The following GOLPH3L variants were observed in gnomAD, a reference collection of about 807,000 sequenced individuals.
GOLPH3L encodes the protein Golgi phosphoprotein 3-like.
GOLPH3L carries 22 observed loss-of-function variants against 30.3 expected under a neutral mutation model. That is an observed-to-expected ratio of 0.73 (90% confidence interval 0.52 to 1.04). GOLPH3L has a LOEUF of 1.04. Ranked by LOEUF, GOLPH3L falls within the 50% of genes least tolerant of loss-of-function variation. The pLI, the probability that GOLPH3L is intolerant of heterozygous loss-of-function variation, is 0.00. For synonymous variants in GOLPH3L, 120 were observed against 128.2 expected (o/e 0.94, Z 0.43); for missense variants, 303 against 345.8 (o/e 0.88, Z 0.98).
At chr1:150,658,186 A>G (rs1235698577) in intron 4 of GOLPH3L, among the ~76,000 whole-genome samples, 4 of 152,204 alleles carry the variant, frequency 2.6e-5, no homozygotes, top group African/African-American at 9.6e-5. Flanking sequence ...GAGGACCCCA[A>G]CTGTCATTAG....
intron 4 of GOLPH3L, among the ~76,000 whole-genome samples, chr1:150,659,561 C>T (rs182240211): frequency 6.6e-6 from 1 of 152,264 alleles, no homozygotes; most frequent in East Asian, 1.9e-4. Context: ...GGCTTGCTGT[C>T]AATAAATATG....
At chr1:150,695,280 G>A (rs1210057756) in intron 1 of GOLPH3L, among the ~76,000 whole-genome samples, 2 of 152,104 alleles carry the variant, frequency 1.3e-5, no homozygotes, top group Non-Finnish European at 2.9e-5. Context: ...GGGATTACAG[G>A]TGTGCGCCAC....
chr1:150,685,147 T>G (rs1173814041), intron 2 of GOLPH3L, among the ~76,000 whole-genome samples: 2 of 152,158 alleles, frequency 1.3e-5, no homozygotes, highest in Non-Finnish European at 2.9e-5. Context: ...TCCTTAATAT[T>G]TGAGGCAATG....
At chr1:150,675,136 T>A (rs1650742246) in intron 2 of GOLPH3L, among the ~76,000 whole-genome samples, 1 of 152,100 alleles carries the variant, frequency 6.6e-6, no homozygotes, top group Admixed American at 6.5e-5. Context: ...CACTTCAGCC[T>A]CCCAAGTAGC....
At chr1:150,654,092 A>T (rs926157789) in intron 4 of GOLPH3L, among the ~76,000 whole-genome samples, 6 of 151,860 alleles carry the variant, frequency 4.0e-5, no homozygotes, top group African/African-American at 1.2e-4. Flanking sequence ...TCAAATATTT[A>T]AAAAAATGGA....
chr1:150,680,394 T>G (rs961314327), intron 2 of GOLPH3L, among the ~76,000 whole-genome samples: 1 of 151,954 alleles, frequency 6.6e-6, no homozygotes, highest in Non-Finnish European at 1.5e-5. Context: ...AAATTAAGAG[T>G]TTTTTTTAAA....
At chr1:150,681,887 C>A (rs1006579851) in intron 2 of GOLPH3L, among the ~76,000 whole-genome samples, 2 of 151,880 alleles carry the variant, frequency 1.3e-5, no homozygotes. Flanking sequence ...GCCAACGTGG[C>A]AAAGCCCTGT....
chr1:150,654,037 A>T (rs1650185688), intron 4 of GOLPH3L, among the ~76,000 whole-genome samples: 1 of 151,800 alleles, frequency 6.6e-6, no homozygotes. Context: ...TGCTGGGATT[A>T]CAGGTGTGAG....
intron 2 of GOLPH3L, among the ~76,000 whole-genome samples, chr1:150,681,182 C>T (rs1331025158): frequency 1.3e-5 from 2 of 152,060 alleles, no homozygotes; most frequent in Non-Finnish European, 2.9e-5. Flanking sequence ...TCTAATCCTA[C>T]AATAGCACTA....
intron 4 of GOLPH3L, among the ~76,000 whole-genome samples, chr1:150,655,031 T>C (rs1650211131): frequency 6.6e-6 from 1 of 152,154 alleles, no homozygotes; most frequent in South Asian, 2.1e-4. Context: ...TTGTACCGTA[T>C]GTGGAAATGG....
intron 4 of GOLPH3L, among the ~76,000 whole-genome samples, chr1:150,658,518 A>T (rs754108463): frequency 1.3e-5 from 2 of 152,236 alleles, no homozygotes; most frequent in Non-Finnish European, 2.9e-5. Context: ...TACCACCCTC[A>T]GAAACCTATG....
intron 2 of GOLPH3L, among the ~76,000 whole-genome samples, chr1:150,691,833 T>C (rs954753566): frequency 6.6e-6 from 1 of 152,150 alleles, no homozygotes; most frequent in East Asian, 1.9e-4. Flanking sequence ...GAAATATACA[T>C]GTTGTATAAC....
rs587764432 is a variant in GOLPH3L, at chr1:150,664,346, T to C, written c.184-583A>G. Among the ~76,000 whole-genome samples the C allele has an allele frequency of 3.0e-4, 45 of 152,314 alleles. 2 individuals are homozygous for C. In the South Asian group the frequency reaches 8.9e-3, roughly 30 times the overall value. On this transcript the variant is annotated intron_variant, in intron 2 of 4. Transcript: ENST00000271732. Reference sequence around the variant, plus strand: ...ATTTTTGAGGAGAATTTTGGCTTTTTTGAAGTCTGTTTCCATGACACAAAA... The same window carrying C: ...ATTTTTGAGGAGAATTTTGGCTTTTCTGAAGTCTGTTTCCATGACACAAAA...
intron 3 of GOLPH3L, among the ~76,000 whole-genome samples, chr1:150,662,955 A>T (rs1363113052): frequency 6.6e-6 from 1 of 152,112 alleles, no homozygotes. Context: ...AGGAAACAGA[A>T]TATTATTGGA....
At chr1:150,662,041 C>A in intron 3 of GOLPH3L, 113 bp from the exon 4 acceptor site, 1 of 670,318 alleles carries the variant, frequency 1.5e-6, no homozygotes, top group Non-Finnish European at 2.7e-6. Flanking sequence ...TGTAAGGAAG[C>A]ATAATATACT....
chr1:150,648,790 A>G, intron 4 of GOLPH3L, 42 bp from the exon 5 acceptor site: 1 of 1,279,448 alleles, frequency 7.8e-7, no homozygotes, highest in South Asian at 1.3e-5. Context: ...CTGAAAGAGA[A>G]AAGCAAAATG....
Position 150,652,747 on chromosome 1 carries a change from G to A in GOLPH3L, c.431-3999C>T, listed in dbSNP as rs764485214. On this transcript the variant is annotated intron_variant, in intron 4 of 4. Coordinates refer to ENST00000271732, the MANE Select transcript of GOLPH3L (RefSeq NM_018178.6). Reference sequence around the variant, plus strand: ...AATTTTTAACTTTTTAAACTTTTGCGCAAGGTTATAACACATAGAAATGTA... The same window carrying A: ...AATTTTTAACTTTTTAAACTTTTGCACAAGGTTATAACACATAGAAATGTA... 6.4e-4 allele frequency among the ~76,000 whole-genome samples: 97 copies of A among 151,874 alleles called. 2 individuals are homozygous for A. Among genetic ancestry groups the A allele is most frequent in the South Asian group, 1.2e-3 (6 of 4,822 alleles).
chr1:150,649,543 A>C (rs191882329), intron 4 of GOLPH3L, among the ~76,000 whole-genome samples: 15 of 152,292 alleles, frequency 9.8e-5, no homozygotes, highest in African/African-American at 3.6e-4. Context: ...AAGCCTCCAG[A>C]AGTTTAACAG....
At chr1:150,665,234 A>T (rs1274727328) in intron 2 of GOLPH3L, among the ~76,000 whole-genome samples, 3 of 152,214 alleles carry the variant, frequency 2.0e-5, no homozygotes, top group Non-Finnish European at 4.4e-5. Context: ...ACAGCATAAC[A>T]GAGGTCACGA....
Sources: allele counts gnomAD v4.1 joint callset (sites outside exome capture counted in the v4.1 genomes callset), GRCh38; gene constraint gnomAD v4.1.1; transcripts MANE v1.5; gene names NCBI Gene and HGNC (gene_info 2026-07-23, HGNC 2026-07-21).